The following AGBL4 variants were observed in gnomAD, a reference collection of about 807,000 sequenced individuals.
AGBL4 encodes AGBL carboxypeptidase 4, also known as cytosolic carboxypeptidase 6.
In AGBL4, 58 loss-of-function variants were observed where a neutral mutation model predicts 66.4. That is an observed-to-expected ratio of 0.87 (90% CI 0.71 to 1.09). The LOEUF is 1.09. AGBL4 is among the 50% of genes least tolerant of loss of function. AGBL4 has a pLI of 0.00. For missense variants in AGBL4, 579 were observed against 631.0 expected (o/e 0.92, Z 0.88); for synonymous variants, 234 against 222.9 (o/e 1.05, Z -0.44).
Position 48,956,042 on chromosome 1 carries a change from A to G in AGBL4, c.595-88812T>C, listed in dbSNP as rs1657422765. Among the ~76,000 whole-genome samples, 3 of 152,364 alleles carry G rather than the reference A, an allele frequency of 2.0e-5. No homozygotes were observed. In the South Asian group the frequency reaches 6.2e-4, roughly 32 times the overall value. The stretch of plus-strand genomic sequence containing the variant: ...TCCTTGTTTGCTGCAATAGGGAGCA[A>G]AAAAGGCTTGCCTTGGGCATTAGGC... On this transcript the variant is annotated intron_variant, in intron 5 of 13. Coordinates refer to ENST00000371839, the MANE Select transcript of AGBL4 (RefSeq NM_032785.4).
chr1:49,644,299 T>C (rs1645841220), intron 3 of AGBL4, among the ~76,000 whole-genome samples: 1 of 151,490 alleles, frequency 6.6e-6, no homozygotes, highest in Non-Finnish European at 1.5e-5. Context: ...GAACACAGAA[T>C]AGACAAATAA....
Position 49,931,495 on chromosome 1 carries a change from C to A in AGBL4, c.35-79977G>T, listed in dbSNP as rs374505798. 3.4e-4 allele frequency among the ~76,000 whole-genome samples: 52 copies of A among 152,128 alleles called. 1 individual carries two copies. In the South Asian group the frequency reaches 9.6e-3, roughly 28 times the overall value. On this transcript the variant is annotated intron_variant, in intron 1 of 13. Transcript: ENST00000371839. ...TGGTAGCAGAAGAGAGAGAGCAAGA[C>A]GGGGGAAGTGCCAGACACTTATCAA...
At chr1:49,617,805 A>G (rs577939798) in intron 3 of AGBL4, among the ~76,000 whole-genome samples, 1 of 152,198 alleles carries the variant, frequency 6.6e-6, no homozygotes, top group African/African-American at 2.4e-5. Context: ...TTTGCTAAAT[A>G]ATAGACAGTC....
intron 3 of AGBL4, among the ~76,000 whole-genome samples, chr1:49,503,723 G>C (rs1163807160): frequency 6.6e-6 from 1 of 152,148 alleles, no homozygotes; most frequent in South Asian, 2.1e-4. Flanking sequence ...CTTGCATGGG[G>C]CCTATGGCCC....
intron 1 of AGBL4, among the ~76,000 whole-genome samples, chr1:49,977,441 G>C (rs756797119): frequency 6.6e-6 from 1 of 152,178 alleles, no homozygotes; most frequent in Non-Finnish European, 1.5e-5. Flanking sequence ...AAACTTTCAT[G>C]CTATGTCTAA....
chr1:49,267,074 C>A (rs1046417999), intron 3 of AGBL4, among the ~76,000 whole-genome samples: 1 of 152,090 alleles, frequency 6.6e-6, no homozygotes, highest in African/African-American at 2.4e-5. Flanking sequence ...GTCATTAATG[C>A]AAAAATAGAA....
At chr1:49,689,796 A>C (rs1237575045) in intron 3 of AGBL4, among the ~76,000 whole-genome samples, 1 of 152,172 alleles carries the variant, frequency 6.6e-6, no homozygotes, top group African/African-American at 2.4e-5. Flanking sequence ...CCTTTGGTTA[A>C]GTTAATTCCT....
At chr1:48,742,316 A>G (rs1650035692) in intron 6 of AGBL4, among the ~76,000 whole-genome samples, 1 of 152,220 alleles carries the variant, frequency 6.6e-6, no homozygotes, top group Non-Finnish European at 1.5e-5. Flanking sequence ...TCATCAAACT[A>G]TCATGGGAAT....
intron 5 of AGBL4, among the ~76,000 whole-genome samples, chr1:48,967,606 A>C (rs1273124277): frequency 6.6e-6 from 1 of 152,168 alleles, no homozygotes; most frequent in South Asian, 2.1e-4. Context: ...CAAATTTAGC[A>C]TAGAGGTGCC....
At chr1:48,603,815 G>T (rs1204693166) in intron 9 of AGBL4, among the ~76,000 whole-genome samples, 1 of 151,446 alleles carries the variant, frequency 6.6e-6, no homozygotes, top group African/African-American at 2.4e-5. Flanking sequence ...TAAAGCAAGG[G>T]CTAGCTAGGA....
At chr1:49,032,727 G>A (rs1283479235) in intron 5 of AGBL4, among the ~76,000 whole-genome samples, 1 of 152,168 alleles carries the variant, frequency 6.6e-6, no homozygotes, top group Non-Finnish European at 1.5e-5. Flanking sequence ...CCTGGGACAT[G>A]CTGATAGTTT....
chr1:49,386,028 T>C (rs1410591351), intron 3 of AGBL4, among the ~76,000 whole-genome samples: 1 of 152,034 alleles, frequency 6.6e-6, no homozygotes, highest in Admixed American at 6.6e-5. Flanking sequence ...ACTAATTCTG[T>C]TTCTCCTCTT....
chr1:48,529,129 G>C (rs78118621), downstream of AGBL4, among the ~76,000 whole-genome samples: 2,607 of 152,054 alleles, frequency 0.017, 148 homozygotes, highest in East Asian at 0.22. Flanking sequence ...TAAGTGCTAA[G>C]ACTACAGAGA....
chr1:49,313,637 T>C (rs905164126), intron 3 of AGBL4, among the ~76,000 whole-genome samples: 2 of 152,266 alleles, frequency 1.3e-5, no homozygotes, highest in Non-Finnish European at 1.5e-5. Flanking sequence ...GATGATGAGC[T>C]TTTTTTCATA....
chr1:49,378,411 T>C (rs965808533), intron 3 of AGBL4, among the ~76,000 whole-genome samples: 6 of 152,038 alleles, frequency 3.9e-5, no homozygotes, highest in Non-Finnish European at 7.4e-5. Context: ...TACCTCTAAG[T>C]ACCACTGTGA....
chr1:49,276,272 T>C (rs537940831), intron 3 of AGBL4, among the ~76,000 whole-genome samples: 1 of 152,304 alleles, frequency 6.6e-6, no homozygotes, highest in South Asian at 2.1e-4. Flanking sequence ...TTTACTCTTT[T>C]CTGCTTATTC....
chr1:49,123,602 T>A (rs1345591586), intron 4 of AGBL4, among the ~76,000 whole-genome samples: 3 of 152,200 alleles, frequency 2.0e-5, no homozygotes, highest in Admixed American at 1.3e-4. Context: ...AATAGCCCCA[T>A]GAAATGTTTT....
intron 3 of AGBL4, among the ~76,000 whole-genome samples, chr1:49,597,456 C>G (rs1644873117): frequency 6.6e-6 from 1 of 152,080 alleles, no homozygotes; most frequent in Admixed American, 6.6e-5. Flanking sequence ...CAAGCTGACA[C>G]TTAGTTGAAA....
chr1:48,743,354 A>G (rs1454546290), intron 6 of AGBL4, among the ~76,000 whole-genome samples: 1 of 152,230 alleles, frequency 6.6e-6, no homozygotes, highest in East Asian at 1.9e-4. Context: ...TGCAATCAAC[A>G]CAAATTACAT....
Sources: allele counts gnomAD v4.1 joint callset (sites outside exome capture counted in the v4.1 genomes callset), GRCh38; gene constraint gnomAD v4.1.1; transcripts MANE v1.5; gene names NCBI Gene and HGNC (gene_info 2026-07-23, HGNC 2026-07-21).